ATP10A: variants seen among roughly 807,000 people sequenced by gnomAD.
ATP10A encodes ATPase phospholipid transporting 10A (putative).
Under a neutral mutation model 147.8 loss-of-function variants are expected in ATP10A, and 111 were observed. The ratio of observed to expected loss-of-function variants is 0.75; its 90% CI spans 0.64 to 0.88. ATP10A has a LOEUF of 0.88. Among genes scored for constraint, ATP10A ranks in the 40% least tolerant of loss-of-function variants. The pLI is 0.00. For synonymous variants in ATP10A, 875 were observed against 841.6 expected (o/e 1.04, Z -0.69); for missense variants, 1,927 against 1,959.0 (o/e 0.98, Z 0.31).
At chr15:25,774,194 A>C (rs1369077748) in intron 2 of ATP10A, among the ~76,000 whole-genome samples, 1 of 152,212 alleles carries the variant, frequency 6.6e-6, no homozygotes, top group Non-Finnish European at 1.5e-5. Context: ...AAAAATTTTA[A>C]GTTTCCACAC....
At chr15:25,811,104 G>C (rs1336132693) in intron 1 of ATP10A, among the ~76,000 whole-genome samples, 1 of 152,172 alleles carries the variant, frequency 6.6e-6, no homozygotes, top group Non-Finnish European at 1.5e-5. Flanking sequence ...ACAGCCTTAA[G>C]TCCCCAGACA....
At chr15:25,688,890 C>T (rs62000247) in intron 15 of ATP10A, among the ~76,000 whole-genome samples, 1 of 152,200 alleles carries the variant, frequency 6.6e-6, no homozygotes, top group African/African-American at 2.4e-5. Flanking sequence ...TAATGCTTTA[C>T]CCATTAACCC....
intron 1 of ATP10A, among the ~76,000 whole-genome samples, chr15:25,837,574 T>TAGTA (rs1347821697): frequency 6.6e-6 from 1 of 152,186 alleles, no homozygotes; most frequent in Non-Finnish European, 1.5e-5. Flanking sequence ...GCTTTCCATG[T>TAGTA]AGTAGATGTT....
At chr15:25,785,959 G>A (rs935049083) in intron 1 of ATP10A, among the ~76,000 whole-genome samples, 1 of 152,264 alleles carries the variant, frequency 6.6e-6, no homozygotes, top group Non-Finnish European at 1.5e-5. Context: ...GTCTCCGGAG[G>A]TGTCTCCAGC....
downstream of ATP10A, among the ~76,000 whole-genome samples, chr15:25,673,642 C>A (rs142534461): frequency 2.9e-3 from 441 of 152,324 alleles, 1 homozygote; most frequent in Middle Eastern, 0.02. Flanking sequence ...ACTCACCCTT[C>A]GTCACTGTCA....
intron 1 of ATP10A, among the ~76,000 whole-genome samples, chr15:25,790,388 T>C (rs1322506052): frequency 6.6e-6 from 1 of 152,234 alleles, no homozygotes; most frequent in East Asian, 1.9e-4. Context: ...CATGTGTGCA[T>C]GGAGCAGACT....
At chr15:25,709,174 T>C (rs1901236165) in intron 10 of ATP10A, 1 of 152,068 alleles carries the variant, frequency 6.6e-6, no homozygotes, top group Non-Finnish European at 1.5e-5. Context: ...ACACAGCATA[T>C]CTATGTTATT....
At chr15:25,680,750 A>C in intron 19 of ATP10A, 60 bp downstream of exon 19, 1 of 1,468,756 alleles carries the variant, frequency 6.8e-7, no homozygotes, top group South Asian at 1.1e-5. Flanking sequence ...ATCTGCAGGG[A>C]AGTGTGGGGT....
chr15:25,752,821 C>G (rs1203914421), intron 2 of ATP10A, among the ~76,000 whole-genome samples: 2 of 151,952 alleles, frequency 1.3e-5, no homozygotes, highest in Non-Finnish European at 2.9e-5. Flanking sequence ...TTATTTAAGT[C>G]CTTTAAAATT....
intron 9 of ATP10A, 23 bp downstream of exon 9, chr15:25,716,707 C>T (rs1413037720): frequency 6.5e-7 from 1 of 1,539,920 alleles, no homozygotes; most frequent in Non-Finnish European, 8.8e-7. Flanking sequence ...CAAGGTCAAG[C>T]TCAGGGACCC....
At chr15:25,771,753 C>CTT (rs770092381) in intron 2 of ATP10A, among the ~76,000 whole-genome samples, 1 of 143,526 alleles carries the variant, frequency 7.0e-6, no homozygotes, top group Admixed American at 7.0e-5. Flanking sequence ...TGAAAGCCAC[C>CTT]TTTTTTTTTT....
intron 2 of ATP10A, among the ~76,000 whole-genome samples, chr15:25,751,775 A>G (rs576389595): frequency 5.1e-4 from 77 of 152,168 alleles, no homozygotes; most frequent in Non-Finnish European, 9.3e-4. Context: ...TTAATAATGG[A>G]TTAATATCCA....
chr15:25,834,848 G>A (rs189535076), intron 1 of ATP10A, among the ~76,000 whole-genome samples: 1 of 152,318 alleles, frequency 6.6e-6, no homozygotes, highest in African/African-American at 2.4e-5. Context: ...CTATGTGAAC[G>A]AAACCAGTTA....
At chr15:25,735,709 C>T (rs576578195) in intron 3 of ATP10A, among the ~76,000 whole-genome samples, 40 of 152,124 alleles carry the variant, frequency 2.6e-4, no homozygotes, top group Non-Finnish European at 5.1e-4. Flanking sequence ...AAACTCCACC[C>T]GGCCTACTCC....
chr15:25,707,452 AAAGT>A (rs1280655846), intron 12 of ATP10A, among the ~76,000 whole-genome samples: 1 of 152,220 alleles, frequency 6.6e-6, no homozygotes, highest in Non-Finnish European at 1.5e-5. Flanking sequence ...TTTAAGTATT[AAAGT>A]AAGCATTAAC....
intron 1 of ATP10A, among the ~76,000 whole-genome samples, chr15:25,850,181 T>C (rs1893219043): frequency 6.6e-6 from 1 of 152,148 alleles, no homozygotes; most frequent in African/African-American, 2.4e-5. Flanking sequence ...TTCTGGAAAA[T>C]ATCGCTTTGA....
intron 2 of ATP10A, among the ~76,000 whole-genome samples, chr15:25,770,410 A>C (rs1889276118): frequency 6.6e-6 from 1 of 152,128 alleles, no homozygotes; most frequent in African/African-American, 2.4e-5. Context: ...CTTGGACCCC[A>C]GCAGGCCAAG....
rs188228377 is a variant in ATP10A, at chr15:25,839,390, G to T, written c.449+23258C>A. ...ACAGCCAAGTCTCCTTAGAGGCCAGGTCTGGGGGAAAAAAAGCAACATTCT... is the reference window on the plus strand; with the variant it reads ...ACAGCCAAGTCTCCTTAGAGGCCAGTTCTGGGGGAAAAAAAGCAACATTCT... On this transcript the variant is annotated intron_variant, in intron 1 of 20. Transcript: ENST00000555815. 3.3e-4 allele frequency among the ~76,000 whole-genome samples: 50 copies of T among 152,230 alleles called. No homozygotes were observed. In the East Asian group the frequency reaches 8.9e-3, roughly 27 times the overall value.
In ATP10A at chr15:25,781,154, G is replaced by A. The variant is rs1889903249; in HGVS notation, c.519C>T (p.Cys173=). 6.2e-7 allele frequency: 1 copy of A among 1,614,208 alleles called. No homozygotes were observed. The highest frequency in any genetic ancestry group is 8.5e-7 in the Non-Finnish European group (1 of 1,180,028). Residue 173 remains cysteine (C), a synonymous_variant, in exon 2 of 21, where the codon TGC becomes TGT. Transcript: ENST00000555815. ...IHVGDFVRLR[C]NEIFPADILL... ...GAATGTCCGCAGGGAAGATTTCGTT[G>A]CAGCGAAGACGCACAAAGTCTCCCA...
Sources: allele counts gnomAD v4.1 joint callset (sites outside exome capture counted in the v4.1 genomes callset), GRCh38; gene constraint gnomAD v4.1.1; transcripts MANE v1.5; gene names NCBI Gene and HGNC (gene_info 2026-07-23, HGNC 2026-07-21).